Variants in RBFOX1 observed in about 807,000 individuals in gnomAD.
RBFOX1 encodes RNA binding fox-1 homolog 1.
Under a neutral mutation model 57.7 loss-of-function variants are expected in RBFOX1, and 8 were observed. That is an observed-to-expected ratio of 0.14 (90% CI 0.08 to 0.25). RBFOX1 has a LOEUF of 0.25. Among genes scored for constraint, RBFOX1 ranks in the 10% least tolerant of loss-of-function variants. The pLI, the probability that RBFOX1 is intolerant of heterozygous loss-of-function variation, is 1.00. For missense variants in RBFOX1, 611 were observed against 548.5 expected, an observed-to-expected ratio of 1.11 and a Z score of -1.14; for synonymous variants, 326 against 222.4, an observed-to-expected ratio of 1.47 and a Z score of -4.15.
chr16:7,286,474 GAGTCTTGCTCTGTCACCT>G (rs2095653939), intron 4 of RBFOX1, among the ~76,000 whole-genome samples: 1 of 145,316 alleles, frequency 6.9e-6, no homozygotes, highest in South Asian at 2.2e-4. Flanking sequence ...TTTTGAGATG[GAGTCTTGCTCTGTCACCT>G]AGGCTGGAGT....
At chr16:6,476,617 G>A (rs997365823) in intron 2 of RBFOX1, among the ~76,000 whole-genome samples, 3 of 152,160 alleles carry the variant, frequency 2.0e-5, no homozygotes, top group African/African-American at 7.2e-5. Context: ...TTTTGCTGGT[G>A]GAGGGTCTTG....
At chr16:6,190,550 G>C (rs932591856) in intron 1 of RBFOX1, among the ~76,000 whole-genome samples, 1 of 152,170 alleles carries the variant, frequency 6.6e-6, no homozygotes, top group African/African-American at 2.4e-5. Context: ...AGTTGAATGA[G>C]AAAAATCGAC....
intron 3 of RBFOX1, among the ~76,000 whole-genome samples, chr16:6,839,303 T>G (rs1036369208): frequency 6.6e-6 from 1 of 152,138 alleles, no homozygotes; most frequent in Non-Finnish European, 1.5e-5. Context: ...TCAACATAGC[T>G]GCCTCAGTCT....
chr16:7,643,486 A>C (rs2063193486), intron 11 of RBFOX1, among the ~76,000 whole-genome samples: 1 of 152,220 alleles, frequency 6.6e-6, no homozygotes, highest in African/African-American at 2.4e-5. Context: ...AAGGCTTTGA[A>C]ATAAGTTTCT....
intron 3 of RBFOX1, among the ~76,000 whole-genome samples, chr16:5,612,371 C>T (rs1232501333): frequency 6.6e-6 from 1 of 152,160 alleles, no homozygotes; most frequent in African/African-American, 2.4e-5. Flanking sequence ...GGGAAGCCAC[C>T]ATGTGCCAGG....
chr16:5,489,428 A>C (rs11864537), intron 2 of RBFOX1, among the ~76,000 whole-genome samples: 11,997 of 152,250 alleles, frequency 0.079, 1,552 homozygotes, highest in African/African-American at 0.27. Flanking sequence ...GGTAGGTTAA[A>C]AGAACAGTTC....
At chr16:6,040,029 G>C (rs2095419255) in intron 1 of RBFOX1, among the ~76,000 whole-genome samples, 1 of 152,212 alleles carries the variant, frequency 6.6e-6, no homozygotes, top group Admixed American at 6.5e-5. Flanking sequence ...GAGAGAGAGA[G>C]TCCATGACTT....
intron 2 of RBFOX1, among the ~76,000 whole-genome samples, chr16:6,436,340 C>T (rs1289006848): frequency 6.6e-6 from 1 of 152,014 alleles, no homozygotes; most frequent in African/African-American, 2.4e-5. Context: ...TATTTTATAC[C>T]ACCAATAGCC....
intron 4 of RBFOX1, among the ~76,000 whole-genome samples, chr16:7,463,520 G>T (rs189089941): frequency 2.1e-4 from 32 of 152,128 alleles, no homozygotes; most frequent in African/African-American, 5.8e-4. Flanking sequence ...ACAAAAAAAG[G>T]TACAAATCCC....
At position 6,819,743 on chromosome 16, in the gene RBFOX1, A is replaced by C. The variant is rs910340947; in HGVS notation, c.-16+165093A>C. Among the ~76,000 whole-genome samples, 78 of 149,656 alleles carry C rather than the reference A, an allele frequency of 5.2e-4. 1 individual carries two copies. The highest frequency in any genetic ancestry group is 1.0e-3 in the Non-Finnish European group (69 of 67,422). ...AAAAAAAAAAAAAATAACAACACCA[A>C]AAGGTATATAGTATAACAGGTATTA... On this transcript the variant is annotated intron_variant, in intron 3 of 15. Transcript: ENST00000550418.
At chr16:7,242,574 C>A in intron 4 of RBFOX1, among the ~76,000 whole-genome samples, 1 of 152,322 alleles carries the variant, frequency 6.6e-6, no homozygotes, top group South Asian at 2.1e-4. Context: ...ATGGGGAGGT[C>A]TCTTCGCCAT....
At chr16:6,801,823 C>T (rs1184927009) in intron 3 of RBFOX1, among the ~76,000 whole-genome samples, 1 of 152,110 alleles carries the variant, frequency 6.6e-6, no homozygotes, top group African/African-American at 2.4e-5. Flanking sequence ...TATATACCTT[C>T]TAAGTTGTAT....
chr16:7,234,933 A>G lies in RBFOX1; in HGVS notation c.27+182835A>G, dbSNP rs1405440239. On this transcript the variant is annotated intron_variant, in intron 4 of 15. Coordinates refer to ENST00000550418, the MANE Select transcript of RBFOX1 (RefSeq NM_018723.4). ...AATTCCATTTTCAGAGACTTACTGTAGACTTGCTTTTATGCCTGTAGCTTG... is the reference window on the plus strand; with the variant it reads ...AATTCCATTTTCAGAGACTTACTGTGGACTTGCTTTTATGCCTGTAGCTTG... Among the ~76,000 whole-genome samples, 6 of 152,110 alleles carry G rather than the reference A, an allele frequency of 3.9e-5. No homozygotes were observed. In the East Asian group the frequency reaches 1.2e-3, roughly 29 times the overall value.
chr16:5,994,234 T>A (rs1336437347), intron 4 of RBFOX1, among the ~76,000 whole-genome samples: 1 of 152,248 alleles, frequency 6.6e-6, no homozygotes, highest in Non-Finnish European at 1.5e-5. Flanking sequence ...CAATCTTGGC[T>A]CACTGCAACC....
chr16:6,944,442 C>T (rs1268700413), intron 3 of RBFOX1, among the ~76,000 whole-genome samples: 4 of 151,924 alleles, frequency 2.6e-5, no homozygotes, highest in East Asian at 1.9e-4. Flanking sequence ...GAAGACCACA[C>T]CCTTGCTTGG....
chr16:7,211,301 AG>A (rs1267236832), intron 4 of RBFOX1, among the ~76,000 whole-genome samples: 1 of 145,828 alleles, frequency 6.9e-6, no homozygotes, highest in African/African-American at 2.5e-5. Flanking sequence ...CTGAGGCAGG[AG>A]AATGGTGTGA....
intron 3 of RBFOX1, among the ~76,000 whole-genome samples, chr16:6,891,127 T>C (rs1356345068): frequency 6.6e-6 from 1 of 152,164 alleles, no homozygotes; most frequent in Non-Finnish European, 1.5e-5. Flanking sequence ...ATTAGTGACT[T>C]TCAGTTAAAG....
intron 4 of RBFOX1, among the ~76,000 whole-genome samples, chr16:5,978,583 G>A (rs1167022307): frequency 6.6e-6 from 1 of 151,718 alleles, no homozygotes; most frequent in Non-Finnish European, 1.5e-5. Context: ...CCAAGTCCAG[G>A]TACCACATTG....
At chr16:5,753,610 C>T (rs1835509508) in intron 3 of RBFOX1, among the ~76,000 whole-genome samples, 1 of 152,114 alleles carries the variant, frequency 6.6e-6, no homozygotes, top group Admixed American at 6.6e-5. Context: ...TTAAGGAAAC[C>T]TACCAGCTGG....
Sources: gnomAD v4.1 joint callset for allele counts (sites outside exome capture counted in the v4.1 genomes callset) on GRCh38, gnomAD v4.1.1 for gene constraint, MANE v1.5 for transcripts, NCBI Gene and HGNC (gene_info 2026-07-23, HGNC 2026-07-21) for gene names.